SPIDR: variants seen among roughly 807,000 people sequenced by gnomAD.
SPIDR encodes the protein DNA repair-scaffolding protein.
Under a neutral mutation model 104.6 loss-of-function variants are expected in SPIDR, and 93 were observed. The ratio of observed to expected loss-of-function variants is 0.89; its 90% confidence interval spans 0.75 to 1.06. The LOEUF is 1.06. Ranked by LOEUF, SPIDR falls within the 50% of genes least tolerant of loss-of-function variation. SPIDR has a pLI of 0.00. For missense variants in SPIDR, 1,154 were observed against 1,111.2 expected, an observed-to-expected ratio of 1.04 and a Z score of -0.55; for synonymous variants, 431 against 416.9, an observed-to-expected ratio of 1.03 and a Z score of -0.41.
chr8:47,620,830 A>G (rs1448370180), intron 10 of SPIDR, among the ~76,000 whole-genome samples: 4 of 135,386 alleles, frequency 3.0e-5, no homozygotes. Context: ...GTTGGCCAGG[A>G]TGGTCTCAAT....
At chr8:47,437,370 T>C (rs2068540192) in intron 7 of SPIDR, among the ~76,000 whole-genome samples, 1 of 152,054 alleles carries the variant, frequency 6.6e-6, no homozygotes, top group African/African-American at 2.4e-5. Context: ...TGCGATAGTT[T>C]ACTGAGAATG....
At chr8:47,511,044 C>G (rs2082238706) in intron 8 of SPIDR, 4 of 879,642 alleles carry the variant, frequency 4.5e-6, no homozygotes, top group Middle Eastern at 2.2e-4. Flanking sequence ...AGGTTCACCA[C>G]TGCATGATGG....
chr8:47,335,179 T>G (rs1216726000), intron 5 of SPIDR, among the ~76,000 whole-genome samples: 6 of 152,206 alleles, frequency 3.9e-5, no homozygotes, highest in Admixed American at 3.9e-4. Context: ...AAAAATAAAA[T>G]TTTACTGTCT....
At chr8:47,484,602 G>A (rs1432681741) in intron 8 of SPIDR, among the ~76,000 whole-genome samples, 2 of 152,200 alleles carry the variant, frequency 1.3e-5, no homozygotes, top group African/African-American at 4.8e-5. Flanking sequence ...GGGTGTATTT[G>A]GGGGAGATGG....
chr8:47,676,255 AT>A (rs1258176289), intron 11 of SPIDR, among the ~76,000 whole-genome samples: 2 of 152,208 alleles, frequency 1.3e-5, no homozygotes, highest in Non-Finnish European at 2.9e-5. Flanking sequence ...CAACAAATTC[AT>A]TTACTGATAA....
At chr8:47,492,333 G>T (rs782182177) in intron 8 of SPIDR, among the ~76,000 whole-genome samples, 1 of 152,006 alleles carries the variant, frequency 6.6e-6, no homozygotes, top group Non-Finnish European at 1.5e-5. Flanking sequence ...CAAGCAGGCA[G>T]GCTTCTCACA....
At chr8:47,668,925 T>A (rs1358128701) in intron 10 of SPIDR, among the ~76,000 whole-genome samples, 3 of 152,186 alleles carry the variant, frequency 2.0e-5, no homozygotes, top group Non-Finnish European at 2.9e-5. Flanking sequence ...TACAAAATTT[T>A]ATTATAAAAA....
In SPIDR at chr8:47,713,161, A is replaced by T. The variant is rs1186706924; in HGVS notation, c.2188+289A>T. On this transcript the variant is annotated intron_variant, in intron 15 of 19. Coordinates refer to ENST00000297423, the MANE Select transcript of SPIDR (RefSeq NM_001080394.4). The stretch of plus-strand genomic sequence containing the variant: ...CAAACCAAAAGCTAGAATATTATAA[A>T]TGCGTATACTTAGATCAGCCAGCCC... The T allele has an allele frequency of 5.8e-6, 4 of 692,336 alleles. No individual in the cohort carries two copies. The East Asian group carries it at 1.2e-4, about 21-fold the overall frequency. 42.9% of individuals were successfully genotyped at this position (692,336 alleles called of 1,614,324 possible). A position where few individuals can be genotyped will look rare whatever the true frequency, so the allele number is the denominator to read the frequency against.
At chr8:47,354,736 G>A (rs1554624677) in intron 5 of SPIDR, among the ~76,000 whole-genome samples, 3 of 151,796 alleles carry the variant, frequency 2.0e-5, no homozygotes, top group African/African-American at 7.3e-5. Context: ...TGAATTCTTG[G>A]GCTCAGGTGA....
intron 1 of SPIDR, among the ~76,000 whole-genome samples, chr8:47,264,454 T>G (rs1156810511): frequency 6.6e-6 from 1 of 152,064 alleles, no homozygotes; most frequent in Non-Finnish European, 1.5e-5. Flanking sequence ...GGCTGGGGTA[T>G]CTTAGTTCTT....
At chr8:47,724,928 C>T (rs1450710831) in intron 16 of SPIDR, among the ~76,000 whole-genome samples, 1 of 152,178 alleles carries the variant, frequency 6.6e-6, no homozygotes, top group Non-Finnish European at 1.5e-5. Flanking sequence ...TCACTCTGCT[C>T]ACCACCTCTC....
intron 5 of SPIDR, among the ~76,000 whole-genome samples, chr8:47,361,993 T>C (rs968817525): frequency 2.0e-5 from 3 of 152,162 alleles, no homozygotes; most frequent in African/African-American, 7.2e-5. Flanking sequence ...CAGCCCTTGA[T>C]AGTCAGAGGT....
intron 17 of SPIDR, 149 bp from the exon 18 acceptor site, chr8:47,728,784 T>TGCAG (rs951205082): frequency 1.2e-6 from 1 of 828,024 alleles, no homozygotes; most frequent in African/African-American, 1.7e-5. Context: ...TCCAGGCAGC[T>TGCAG]GCAGGCCTCT....
At chr8:47,384,664 G>A (rs1438634470) in intron 5 of SPIDR, among the ~76,000 whole-genome samples, 1 of 152,178 alleles carries the variant, frequency 6.6e-6, no homozygotes, top group Non-Finnish European at 1.5e-5. Flanking sequence ...CTGAGCAGCA[G>A]CTGCCAGTTT....
intron 5 of SPIDR, among the ~76,000 whole-genome samples, chr8:47,391,266 A>G (rs1199257525): frequency 1.3e-5 from 2 of 152,122 alleles, no homozygotes; most frequent in Non-Finnish European, 2.9e-5. Flanking sequence ...GGCCGGGTGC[A>G]GCAGCTCACA....
At chr8:47,509,578 C>T (rs184454940) in intron 8 of SPIDR, among the ~76,000 whole-genome samples, 3 of 152,290 alleles carry the variant, frequency 2.0e-5, no homozygotes, top group Non-Finnish European at 1.5e-5. Context: ...GGATATCTTT[C>T]TCTAGTAACA....
chr8:47,658,544 C>CTGTTGTTGT lies in SPIDR; in HGVS notation c.1545-15222_1545-15214dup, dbSNP rs10584346. ...CCAAGCTTGCAGCAGGGTTTTGTTA[C>CTGTTGTTGT]TGTTGTTGTTGTTGTTGTTGTTGTT... On this transcript the variant is annotated intron_variant, in intron 10 of 19. Coordinates refer to ENST00000297423, the MANE Select transcript of SPIDR (RefSeq NM_001080394.4). Among the ~76,000 whole-genome samples, 1,128 of 148,570 alleles carry CTGTTGTTGT rather than the reference C, an allele frequency of 7.6e-3. 7 individuals carry two copies. Among genetic ancestry groups the CTGTTGTTGT allele is most frequent in the East Asian group, 0.017 (84 of 5,004 alleles).
chr8:47,712,994 T>G, intron 15 of SPIDR, 122 bp downstream of exon 15: 1 of 1,497,662 alleles, frequency 6.7e-7, no homozygotes, highest in Non-Finnish European at 8.8e-7. Context: ...ACGGAGCCCA[T>G]CACAGACATG....
intron 14 of SPIDR, among the ~76,000 whole-genome samples, chr8:47,710,760 G>A (rs749363776): frequency 1.3e-5 from 2 of 151,872 alleles, no homozygotes; most frequent in South Asian, 2.1e-4. Flanking sequence ...GAGCCACCAC[G>A]ACTGGCCCAC....
Sources: allele counts gnomAD v4.1 joint callset (sites outside exome capture counted in the v4.1 genomes callset), GRCh38; gene constraint gnomAD v4.1.1; transcripts MANE v1.5; gene names NCBI Gene and HGNC (gene_info 2026-07-23, HGNC 2026-07-21).